The following SSBP3 variants were observed in gnomAD, a reference collection of about 807,000 sequenced individuals.
The protein encoded by SSBP3 is single stranded DNA binding protein 3.
Under a neutral mutation model 69.6 loss-of-function variants are expected in SSBP3, and 5 were observed. That is an observed-to-expected ratio of 0.07 (90% CI 0.04 to 0.15). SSBP3 has a LOEUF of 0.15. SSBP3 is among the 10% of genes least tolerant of loss of function. The pLI is 1.00. For synonymous variants in SSBP3, 196 were observed against 193.4 expected (o/e 1.01, Z -0.11); for missense variants, 312 against 534.0 (o/e 0.58, Z 4.10).
At chr1:54,400,236 C>G (rs59257755) in intron 4 of SSBP3, among the ~76,000 whole-genome samples, 1 of 152,148 alleles carries the variant, frequency 6.6e-6, no homozygotes, top group East Asian at 1.9e-4. Context: ...CTGAAAGGTA[C>G]AGGCAAAAAA....
intron 14 of SSBP3, among the ~76,000 whole-genome samples, chr1:54,232,998 G>A (rs1342439872): frequency 6.6e-6 from 1 of 152,094 alleles, no homozygotes; most frequent in Admixed American, 6.5e-5. Context: ...CTGCCCGGCC[G>A]CCACCCGTCT....
chr1:54,298,359 A>C (rs1056047279), intron 4 of SSBP3, among the ~76,000 whole-genome samples: 1 of 152,208 alleles, frequency 6.6e-6, no homozygotes, highest in African/African-American at 2.4e-5. Flanking sequence ...AGGGGGCAGC[A>C]GGAAGGAAGT....
At chr1:54,293,719 G>T (rs1012943870) in intron 4 of SSBP3, among the ~76,000 whole-genome samples, 1 of 152,234 alleles carries the variant, frequency 6.6e-6, no homozygotes, top group Non-Finnish European at 1.5e-5. Context: ...TGTCACACCT[G>T]ACTGTTAATT....
chr1:54,324,215 T>C (rs566032242), intron 4 of SSBP3, among the ~76,000 whole-genome samples: 1 of 152,150 alleles, frequency 6.6e-6, no homozygotes, highest in East Asian at 1.9e-4. Flanking sequence ...GCCACAGAAA[T>C]CAGAAGTGGG....
chr1:54,262,533 A>G (rs1645034218), intron 5 of SSBP3, among the ~76,000 whole-genome samples: 1 of 152,226 alleles, frequency 6.6e-6, no homozygotes, highest in African/African-American at 2.4e-5. Flanking sequence ...CTGGAGGCAC[A>G]TCAGACTTGT....
intron 10 of SSBP3, 118 bp from the exon 11 acceptor site, chr1:54,242,330 C>A: frequency 8.1e-7 from 1 of 1,238,364 alleles, no homozygotes; most frequent in South Asian, 1.3e-5. Flanking sequence ...TTCCTACAGC[C>A]CTGCGGTTTA....
chr1:54,368,048 T>A (rs531313166), intron 4 of SSBP3, among the ~76,000 whole-genome samples: 50 of 152,220 alleles, frequency 3.3e-4, no homozygotes, highest in African/African-American at 1.2e-3. Context: ...ACACCTGTAA[T>A]CCCAACACTT....
intron 17 of SSBP3, among the ~76,000 whole-genome samples, 176 bp from the exon 18 acceptor site, chr1:54,227,336 A>G (rs1644304933): frequency 6.6e-6 from 1 of 152,132 alleles, no homozygotes; most frequent in Admixed American, 6.5e-5. Context: ...GTAGGGCAGG[A>G]TAAGGGCCAG....
intron 5 of SSBP3, among the ~76,000 whole-genome samples, chr1:54,271,564 C>T (rs1645194481): frequency 6.6e-6 from 1 of 152,028 alleles, no homozygotes; most frequent in African/African-American, 2.4e-5. Flanking sequence ...AAGTGCAGGG[C>T]CATCGTGCTC....
At chr1:54,231,095 G>A (rs1204774183) in intron 14 of SSBP3, among the ~76,000 whole-genome samples, 1 of 152,210 alleles carries the variant, frequency 6.6e-6, no homozygotes, top group African/African-American at 2.4e-5. Flanking sequence ...TCACTAGGCT[G>A]TCTGATCTTT....
intron 4 of SSBP3, among the ~76,000 whole-genome samples, chr1:54,349,337 A>T (rs1450704503): frequency 1.3e-5 from 2 of 152,198 alleles, no homozygotes; most frequent in African/African-American, 4.8e-5. Flanking sequence ...TGCCTGGCAC[A>T]CAGTAGGCAC....
intron 4 of SSBP3, among the ~76,000 whole-genome samples, chr1:54,389,134 C>T (rs1255222578): frequency 2.6e-5 from 4 of 152,148 alleles, no homozygotes; most frequent in Non-Finnish European, 5.9e-5. Flanking sequence ...GGTGTGCTCA[C>T]GTTGGTTCCC....
At chr1:54,376,558 A>C (rs1054554344) in intron 4 of SSBP3, among the ~76,000 whole-genome samples, 1 of 152,264 alleles carries the variant, frequency 6.6e-6, no homozygotes, top group African/African-American at 2.4e-5. Flanking sequence ...CCTTCAACAT[A>C]TGGTCAGCCT....
intron 4 of SSBP3, among the ~76,000 whole-genome samples, chr1:54,374,772 C>T (rs1261730514): frequency 1.3e-5 from 2 of 152,170 alleles, no homozygotes; most frequent in African/African-American, 2.4e-5. Flanking sequence ...ATGCAGACCC[C>T]ACCTAATCCA....
At chr1:54,372,574 A>G (rs1025130881) in intron 4 of SSBP3, among the ~76,000 whole-genome samples, 1 of 152,234 alleles carries the variant, frequency 6.6e-6, no homozygotes, top group East Asian at 1.9e-4. Flanking sequence ...CAATCAACAC[A>G]ATCCTGGCTC....
At chr1:54,308,895 C>T (rs1645948727) in intron 4 of SSBP3, among the ~76,000 whole-genome samples, 1 of 150,740 alleles carries the variant, frequency 6.6e-6, no homozygotes, top group South Asian at 2.1e-4. Context: ...GTCAGTGACC[C>T]CACCTCCCCT....
intron 4 of SSBP3, among the ~76,000 whole-genome samples, chr1:54,343,495 T>A (rs1252317258): frequency 6.6e-6 from 1 of 152,174 alleles, no homozygotes; most frequent in East Asian, 1.9e-4. Context: ...AAACGGACAC[T>A]AAGAGGCCAT....
intron 5 of SSBP3, among the ~76,000 whole-genome samples, chr1:54,276,297 C>T (rs1046409881): frequency 1.3e-5 from 2 of 152,080 alleles, no homozygotes; most frequent in African/African-American, 4.8e-5. Context: ...CTCTGTCACG[C>T]AGCATCCATC....
chr1:54,404,809 G>GGGA (rs1553151463), intron 2 of SSBP3, 49 bp downstream of exon 2: 21 of 225,490 alleles, frequency 9.3e-5, no homozygotes, highest in Non-Finnish European at 1.4e-4. Context: ...TAAGAATAGT[G>GGGA]GGGGGGGGGG....
Sources: gnomAD v4.1 joint callset for allele counts (sites outside exome capture counted in the v4.1 genomes callset) on GRCh38, gnomAD v4.1.1 for gene constraint, MANE v1.5 for transcripts, NCBI Gene and HGNC (gene_info 2026-07-23, HGNC 2026-07-21) for gene names.